The following ACTN4 variants were observed in gnomAD, a reference collection of about 807,000 sequenced individuals.
ACTN4 encodes the protein alpha-actinin-4.
Under a neutral mutation model 114.2 loss-of-function variants are expected in ACTN4, and 18 were observed. The observed-to-expected ratio is 0.16, with a 90% CI of 0.11 to 0.23. The LOEUF is 0.23. Among genes scored for constraint, ACTN4 ranks in the 10% least tolerant of loss-of-function variants. The pLI is 1.00. For synonymous variants in ACTN4, 515 were observed against 506.3 expected (o/e 1.02, Z -0.23); for missense variants, 722 against 1,262.9 (o/e 0.57, Z 6.49).
At chr19:38,700,482 G>A (rs1968235149) in intron 1 of ACTN4, 118 bp from the exon 2 acceptor site, 3 of 813,124 alleles carry the variant, frequency 3.7e-6, no homozygotes, top group African/African-American at 1.7e-5. Flanking sequence ...GTGTGTCGGC[G>A]AGTGCTCCGT....
At position 38,727,117 on chromosome 19, in the gene ACTN4, C is replaced by T; in HGVS notation, c.2337+14C>T. On this transcript the variant is annotated intron_variant, in intron 18 of 20. Coordinates refer to ENST00000252699, the MANE Select transcript of ACTN4 (RefSeq NM_004924.6). The surrounding 1 kb of genome is among the most constrained non-coding windows in gnomAD (Gnocchi z 5.4). ...CACTTCGACAAGGTGAGCAGCCTGC[C>T]ACCTCCTCGGCCTCTCCCCTCCCGC... 1 of 1,613,664 alleles carries T rather than the reference C, an allele frequency of 6.2e-7. No individual in the cohort carries two copies. The highest frequency in any genetic ancestry group is 8.5e-7 in the Non-Finnish European group (1 of 1,179,986).
In ACTN4 at chr19:38,716,858, CAA is replaced by C. The variant is rs35676494; in HGVS notation, c.913-227_913-226del. 0.056 allele frequency among the ~76,000 whole-genome samples: 8,601 copies of C among 152,282 alleles called. 257 individuals are homozygous for C. The highest frequency in any genetic ancestry group is 0.096 in the South Asian group (461 of 4,826). On this transcript the variant is annotated intron_variant, in intron 9 of 20. Coordinates refer to ENST00000252699, the MANE Select transcript of ACTN4 (RefSeq NM_004924.6). Reference sequence around the variant, plus strand: ...AAGCACAGGCAGGAACAGGAAGTAACAAGAGAACAGTACAGTGATGCAGGGAC... The same window carrying C: ...AAGCACAGGCAGGAACAGGAAGTAACGAGAACAGTACAGTGATGCAGGGAC...
At chr19:38,721,382 G>A (rs1204311258) in intron 11 of ACTN4, among the ~76,000 whole-genome samples, 156 bp from the exon 12 acceptor site, 2 of 152,176 alleles carry the variant, frequency 1.3e-5, no homozygotes, top group South Asian at 2.1e-4. Flanking sequence ...TGGAGGGTAC[G>A]GAAGAAGATT....
intron 1 of ACTN4, among the ~76,000 whole-genome samples, chr19:38,648,666 G>A (rs1419511142): frequency 6.6e-6 from 1 of 151,840 alleles, no homozygotes; most frequent in African/African-American, 2.4e-5. Flanking sequence ...TTTTGAAGGG[G>A]GTGAGATTTA....
At position 38,711,690 on chromosome 19, in the gene ACTN4, C is replaced by T. The variant is rs112755519; in HGVS notation, c.819+1348C>T. ...GCAGAGCTGGGATTTGACTGCCCGGCGTTCCCACTCGCCCTGTCCATCATC... is the reference window on the plus strand; with the variant it reads ...GCAGAGCTGGGATTTGACTGCCCGGTGTTCCCACTCGCCCTGTCCATCATC... On this transcript the variant is annotated intron_variant, in intron 8 of 20. Coordinates refer to ENST00000252699, the MANE Select transcript of ACTN4 (RefSeq NM_004924.6). Among the ~76,000 whole-genome samples the T allele has an allele frequency of 3.7e-3, 560 of 152,358 alleles. 2 individuals are homozygous for T. The highest frequency in any genetic ancestry group is 0.012 in the African/African-American group (519 of 41,586).
At chr19:38,718,408 C>T (rs1357045722) in intron 11 of ACTN4, among the ~76,000 whole-genome samples, 1 of 152,090 alleles carries the variant, frequency 6.6e-6, no homozygotes, top group Non-Finnish European at 1.5e-5. Context: ...TAGTGGTGCA[C>T]ACCTGTGGTC....
chr19:38,675,254 A>C (rs1301662801), intron 1 of ACTN4, among the ~76,000 whole-genome samples: 1 of 152,236 alleles, frequency 6.6e-6, no homozygotes, highest in Non-Finnish European at 1.5e-5. Flanking sequence ...GGGAGAGTAC[A>C]GCCAACCTGG....
At chr19:38,709,008 G>A (rs189773973) in intron 6 of ACTN4, among the ~76,000 whole-genome samples, 2 of 152,134 alleles carry the variant, frequency 1.3e-5, no homozygotes, top group East Asian at 1.9e-4. Flanking sequence ...GGGACCTCTC[G>A]GTTTGCTCCC....
chr19:38,724,341 TGGGCCGGG>T lies in ACTN4; in HGVS notation c.1875+4_1875+11del, dbSNP rs1387104405. The T allele has an allele frequency of 6.2e-7, 1 of 1,613,110 alleles. No individual in the cohort carries two copies. The highest frequency in any genetic ancestry group is 8.5e-7 in the Non-Finnish European group (1 of 1,179,936). ...ATCATCAACTCCAAGTGGGAGAAGG[TGGGCCGGG>T]GCCATCCGTAGGGGCTGGGGCAGGA... On this transcript the variant is annotated splice_donor_5th_base_variant and intron_variant, in intron 15 of 20. Transcript: ENST00000252699. This position sits in a 1 kb window ranked among gnomAD's most constrained non-coding sequence, Gnocchi z 7.0.
At chr19:38,675,760 T>C (rs1230374318) in intron 1 of ACTN4, among the ~76,000 whole-genome samples, 2 of 152,280 alleles carry the variant, frequency 1.3e-5, no homozygotes, top group African/African-American at 4.8e-5. Flanking sequence ...AGCTTCTCCT[T>C]ACCCAACTGA....
rs1166476321 is a variant in ACTN4 at position 38,727,821 on chromosome 19, CCTCTAA to C, written c.2338-120_2338-115del. On this transcript the variant is annotated intron_variant, in intron 18 of 20. Coordinates refer to ENST00000252699, the MANE Select transcript of ACTN4 (RefSeq NM_004924.6). The surrounding 1 kb of genome is among the most constrained non-coding windows in gnomAD (Gnocchi z 5.4). The stretch of plus-strand genomic sequence containing the variant: ...CCTGGCCATCTCCTTGTCCATGTTG[CCTCTAA>C]CTCTGTGTTTCCCTCCCCTACGTGT... 2.3e-6 allele frequency: 2 copies of C among 877,966 alleles called. No homozygotes were observed. The highest frequency in any genetic ancestry group is 2.7e-5 in the East Asian group (1 of 37,538). 54.4% of individuals were successfully genotyped at this position (877,966 alleles called of 1,614,324 possible).
rs1027930634 is a variant in ACTN4, at chr19:38,730,582, C to T, written c.*1150C>T. 58 of 562,178 alleles carry T rather than the reference C, an allele frequency of 1.0e-4. No individual in the cohort carries two copies. The highest frequency in any genetic ancestry group is 1.4e-4 in the Non-Finnish European group (44 of 314,558). 34.8% of individuals were successfully genotyped at this position (562,178 alleles called of 1,614,324 possible). ...TTCTCCTGTGTCTGTCCTCCACCTT[C>T]TAGGAGAGCCAGGGCAGAGCTAGCA... On this transcript the variant is annotated 3_prime_UTR_variant, in exon 21 of 21. Coordinates refer to ENST00000252699, the MANE Select transcript of ACTN4 (RefSeq NM_004924.6).
At chr19:38,706,862 C>T (rs8105055) in intron 5 of ACTN4, among the ~76,000 whole-genome samples, 8,614 of 152,308 alleles carry the variant, frequency 0.057, 260 homozygotes, top group South Asian at 0.096. Flanking sequence ...TCAGGGTGAG[C>T]GGGAGATGAG....
chr19:38,652,323 T>C (rs1261716102), intron 1 of ACTN4, among the ~76,000 whole-genome samples: 1 of 152,184 alleles, frequency 6.6e-6, no homozygotes, highest in Admixed American at 6.5e-5. Context: ...TAGCACTCTG[T>C]TCTCTCCCCT....
chr19:38,718,273 T>TC, intron 11 of ACTN4, 199 bp downstream of exon 11: 1 of 955,496 alleles, frequency 1.0e-6, no homozygotes, highest in Non-Finnish European at 1.6e-6. Flanking sequence ...ACACCTGTAA[T>TC]CCCAGCACTT....
At chr19:38,669,131 C>T (rs184249949) in intron 1 of ACTN4, among the ~76,000 whole-genome samples, 3 of 152,242 alleles carry the variant, frequency 2.0e-5, no homozygotes, top group East Asian at 1.9e-4. Context: ...GGATTACAGA[C>T]GCCTGCCACC....
In ACTN4 at chr19:38,726,950, T is replaced by G; in HGVS notation, c.2191-7T>G. 6.2e-7 allele frequency: 1 copy of G among 1,613,732 alleles called. No individual in the cohort carries two copies. The highest frequency in any genetic ancestry group is 8.5e-7 in the Non-Finnish European group (1 of 1,179,994). On this transcript the variant is annotated splice_region_variant and splice_polypyrimidine_tract_variant and intron_variant, in intron 17 of 20. Transcript: ENST00000252699. ...CGGCCCACGATCACGCCCCCGTCTT[T>G]CCGCAGCACATCCGCGTGGGCTGGG... is the stretch of plus-strand genomic sequence containing the variant.
At chr19:38,707,189 C>A (rs1057023375) in intron 5 of ACTN4, among the ~76,000 whole-genome samples, 1 of 151,910 alleles carries the variant, frequency 6.6e-6, no homozygotes, top group Admixed American at 6.6e-5. Context: ...TGTGTGTCTT[C>A]TTTTTTTTCC....
At chr19:38,726,874 C>T in intron 17 of ACTN4, 83 bp from the exon 18 acceptor site, 1 of 1,588,482 alleles carries the variant, frequency 6.3e-7, no homozygotes, top group South Asian at 1.1e-5. Flanking sequence ...GGCGGGAGGA[C>T]AGTTCACAGT....
Sources: gnomAD v4.1 joint callset for allele counts (sites outside exome capture counted in the v4.1 genomes callset) on GRCh38, gnomAD v4.1.1 for gene constraint, Gnocchi (gnomAD v3.1) non-coding constraint, MANE v1.5 for transcripts, NCBI Gene and HGNC (gene_info 2026-07-23, HGNC 2026-07-21) for gene names.